NNT: variants seen among roughly 807,000 people sequenced by gnomAD.
NNT encodes nicotinamide nucleotide transhydrogenase, also known as NAD(P) transhydrogenase, mitochondrial.
A neutral mutation model predicts 104.8 loss-of-function variants in NNT; 50 were observed. The observed-to-expected ratio is 0.48, with a 90% CI of 0.38 to 0.60. NNT has a LOEUF of 0.60. Ranked by LOEUF, NNT falls within the 20% of genes least tolerant of loss-of-function variation. The pLI is 0.00. For synonymous variants in NNT, 461 were observed against 490.4 expected (o/e 0.94, Z 0.79); for missense variants, 1,131 against 1,330.7 (o/e 0.85, Z 2.33).
chr5:43,664,559 G>A (rs1040884855), intron 17 of NNT, among the ~76,000 whole-genome samples: 1 of 152,068 alleles, frequency 6.6e-6, no homozygotes, highest in Non-Finnish European at 1.5e-5. Flanking sequence ...AGTGTATTCA[G>A]AATTATGTGA....
chr5:43,618,266 A>G (rs1044958986), intron 4 of NNT, among the ~76,000 whole-genome samples: 1 of 152,222 alleles, frequency 6.6e-6, no homozygotes, highest in Non-Finnish European at 1.5e-5. Context: ...ACCCTAAAAG[A>G]TAGATGCTTT....
At position 43,613,019 on chromosome 5, in the gene NNT, ATGT is replaced by A; in HGVS notation, c.267_269del (p.Val91del). ...CAGAACTTGGTCAAGCAGGGTTTTA[ATGT>A]TGTCGTGGAATCGGGTGCGGGCGAA... On this transcript the variant is annotated inframe_deletion, in exon 3 of 22. Coordinates refer to ENST00000344920, the MANE Select transcript of NNT (RefSeq NM_182977.3). 1 of 1,614,102 alleles carries A rather than the reference ATGT, an allele frequency of 6.2e-7. No homozygotes were observed. The highest frequency in any genetic ancestry group is 8.5e-7 in the Non-Finnish European group (1 of 1,180,008).
At chr5:43,624,956 A>G (rs1167535161) in intron 6 of NNT, among the ~76,000 whole-genome samples, 1 of 152,224 alleles carries the variant, frequency 6.6e-6, no homozygotes, top group Admixed American at 6.5e-5. Flanking sequence ...CAGAGTAAAG[A>G]ATGTTCCATA....
intron 7 of NNT, 52 bp downstream of exon 7, chr5:43,628,439 TA>T (rs200045058): frequency 2.8e-5 from 37 of 1,334,256 alleles, no homozygotes; most frequent in East Asian, 7.5e-5. Flanking sequence ...TCTTTTTTTT[TA>T]AAAAAAAGCG....
chr5:43,651,996 G>T, intron 13 of NNT, 112 bp downstream of exon 13: 1 of 1,145,878 alleles, frequency 8.7e-7, no homozygotes, highest in Non-Finnish European at 1.3e-6. Flanking sequence ...ACTCTGTCAA[G>T]CAAATACAAC....
intron 19 of NNT, among the ~76,000 whole-genome samples, chr5:43,679,387 G>A (rs1741586463): frequency 1.3e-5 from 2 of 152,252 alleles, no homozygotes; most frequent in Admixed American, 6.5e-5. Flanking sequence ...TTATCCTTAG[G>A]GAAGGGAAGG....
intron 19 of NNT, among the ~76,000 whole-genome samples, chr5:43,691,082 T>A (rs1271371624): frequency 7.5e-5 from 11 of 147,048 alleles, no homozygotes; most frequent in East Asian, 1.9e-4. Context: ...TGTGTGTGTG[T>A]GTGTGTGTGT....
At chr5:43,615,440 G>C (rs903225219) in intron 3 of NNT, among the ~76,000 whole-genome samples, 2 of 152,232 alleles carry the variant, frequency 1.3e-5, no homozygotes, top group Admixed American at 6.5e-5. Context: ...AGCAAGGACT[G>C]AATCTTGCTT....
intron 6 of NNT, 27 bp downstream of exon 6, chr5:43,624,147 T>C (rs764487520): frequency 2.5e-6 from 4 of 1,604,866 alleles, no homozygotes. Flanking sequence ...TGACTGATGT[T>C]AAGGTAAAAA....
chr5:43,631,503 T>C (rs1225117053), intron 7 of NNT, among the ~76,000 whole-genome samples: 1 of 152,124 alleles, frequency 6.6e-6, no homozygotes, highest in African/African-American at 2.4e-5. Context: ...GGATTAGATG[T>C]AACAAGTGGC....
At position 43,609,137 on chromosome 5, in the gene NNT, TC is replaced by T; in HGVS notation, c.-53-5del. On this transcript the variant is annotated splice_region_variant and splice_polypyrimidine_tract_variant and intron_variant, in intron 1 of 21. Coordinates refer to ENST00000344920, the MANE Select transcript of NNT (RefSeq NM_182977.3). ...CATATATACATCCTATTTTCTTTTT[TC>T]TTAGTGATTTGCCTTCAAGGAAACT... 1.4e-6 allele frequency: 2 copies of T among 1,441,120 alleles called. No individual in the cohort carries two copies. The highest frequency in any genetic ancestry group is 1.9e-6 in the Non-Finnish European group (2 of 1,046,996). The allele number at this position is 1,441,120 out of a possible 1,614,324, so 89.3% of individuals were successfully genotyped here. A position where few individuals can be genotyped will look rare whatever the true frequency, so the allele number is the denominator to read the frequency against.
At chr5:43,644,468 TA>T (rs2111825679) in intron 8 of NNT, 142 bp from the exon 9 acceptor site, 2 of 1,207,312 alleles carry the variant, frequency 1.7e-6, no homozygotes, top group East Asian at 5.1e-5. Context: ...CCTGTTGAAA[TA>T]TGTATTTGTT....
At chr5:43,648,024 C>T in intron 10 of NNT, 1 of 1,082,690 alleles carries the variant, frequency 9.2e-7, no homozygotes, top group Non-Finnish European at 1.2e-6. Flanking sequence ...GCAGCAGAAC[C>T]AGGATTCAAA....
chr5:43,607,072 C>T (rs959103017), intron 1 of NNT, among the ~76,000 whole-genome samples: 9 of 151,780 alleles, frequency 5.9e-5, no homozygotes, highest in African/African-American at 1.5e-4. Flanking sequence ...GGCATGATCT[C>T]GGCTCACTGC....
At chr5:43,677,854 T>G (rs377216850) in intron 19 of NNT, 48 bp downstream of exon 19, 1 of 1,456,492 alleles carries the variant, frequency 6.9e-7, no homozygotes, top group Non-Finnish European at 9.6e-7. Context: ...AAGATGTGTG[T>G]GTGGAGAAAA....
intron 7 of NNT, among the ~76,000 whole-genome samples, chr5:43,635,686 C>T (rs1307288368): frequency 6.6e-6 from 1 of 152,062 alleles, no homozygotes; most frequent in African/African-American, 2.4e-5. Context: ...GGTTGGCTGC[C>T]CTCTTGCTGT....
intron 4 of NNT, among the ~76,000 whole-genome samples, chr5:43,616,654 T>A (rs996932094): frequency 1.8e-4 from 27 of 152,194 alleles, no homozygotes; most frequent in African/African-American, 6.5e-4. Context: ...CACTAATACA[T>A]TCTATGTTGA....
At chr5:43,639,176 A>G (rs1466929316) in intron 7 of NNT, among the ~76,000 whole-genome samples, 2 of 152,172 alleles carry the variant, frequency 1.3e-5, no homozygotes, top group African/African-American at 4.8e-5. Context: ...GAGAAAAAAC[A>G]AAAAAGCAGA....
At chr5:43,696,338 T>G (rs1742556684) in intron 19 of NNT, among the ~76,000 whole-genome samples, 1 of 152,210 alleles carries the variant, frequency 6.6e-6, no homozygotes, top group African/African-American at 2.4e-5. Context: ...ATGCCTCACA[T>G]CCAGGTCATG....
Sources: allele counts gnomAD v4.1 joint callset (sites outside exome capture counted in the v4.1 genomes callset), GRCh38; gene constraint gnomAD v4.1.1; transcripts MANE v1.5; gene names NCBI Gene and HGNC (gene_info 2026-07-23, HGNC 2026-07-21).